Variants in STK11IP observed in about 807,000 individuals in gnomAD.
The protein encoded by STK11IP is serine/threonine kinase 11 interacting protein.
A neutral mutation model predicts 131.7 loss-of-function variants in STK11IP; 103 were observed. The observed-to-expected ratio is 0.78, with a 90% CI of 0.67 to 0.92. The LOEUF is 0.92. Ranked by LOEUF, STK11IP falls within the 40% of genes least tolerant of loss-of-function variation. STK11IP has a pLI of 0.00. For synonymous variants in STK11IP, 557 were observed against 575.6 expected (o/e 0.97, Z 0.46); for missense variants, 1,315 against 1,385.7 (o/e 0.95, Z 0.81).
rs1192387894 is a variant in STK11IP, at chr2:219,598,095, C to T, written c.-25C>T. 1.9e-6 allele frequency: 3 copies of T among 1,584,428 alleles called. No individual in the cohort carries two copies. Among genetic ancestry groups the T allele is most frequent in the Non-Finnish European group, 2.6e-6 (3 of 1,166,196 alleles). ...TCCGCTTCCTCTTTCCCCCCCCAGG[C>T]TCCGCCCCCCAGCGTCCCGTGGCCA... On this transcript the variant is annotated splice_region_variant and 5_prime_UTR_variant, in exon 2 of 25. Transcript: ENST00000456909.
intron 23 of STK11IP, chr2:219,614,751 C>T (rs1698519730): frequency 4.1e-6 from 3 of 725,018 alleles, no homozygotes; most frequent in Non-Finnish European, 7.6e-6. Context: ...ACCCAGGATC[C>T]TCAGTTACCC....
chr2:219,600,059 G>GTTTTTTTTTTTTTTTTTTTTT (rs57060581), intron 2 of STK11IP, among the ~76,000 whole-genome samples: 19 of 91,712 alleles, frequency 2.1e-4, no homozygotes, highest in Non-Finnish European at 3.5e-4. Flanking sequence ...TTTTGTTTTT[G>GTTTTTTTTTTTTTTTTTTTTT]TTTTTTTTTT....
At position 219,598,163 on chromosome 2, in the gene STK11IP, G is replaced by C; in HGVS notation, c.44G>C (p.Gly15Ala). ...GACTCCCTGTTGTGGAAGCTCGCGGGGTTGCTGCGGGAGTCCGGTGAGTGG... is the reference window on the plus strand; with the variant it reads ...GACTCCCTGTTGTGGAAGCTCGCGGCGTTGCTGCGGGAGTCCGGTGAGTGG... ...QRDSLLWKLA[G>A]LLRESGDVVL... is the part of the protein sequence containing the mutation. The change falls in exon 2 of 25, where the codon GGG becomes GCG. Residue 15 changes from glycine (G) to alanine (A), a missense_variant. Coordinates refer to ENST00000456909, the MANE Select transcript of STK11IP (RefSeq NM_052902.4). The C allele has an allele frequency of 6.4e-7, 1 of 1,568,086 alleles. No homozygotes were observed. The highest frequency in any genetic ancestry group is 8.6e-7 in the Non-Finnish European group (1 of 1,156,228).
Position 219,597,935 on chromosome 2 carries a change from C to T in STK11IP, c.-27+12C>T. On this transcript the variant is annotated intron_variant, in intron 1 of 24. Coordinates refer to ENST00000456909, the MANE Select transcript of STK11IP (RefSeq NM_052902.4). ...GACGGGGAGGTTCGGTATGTCTGACCAGGACTTATGTTCCTCGAAAGGGCG... is the reference window on the plus strand; with the variant it reads ...GACGGGGAGGTTCGGTATGTCTGACTAGGACTTATGTTCCTCGAAAGGGCG... 1.2e-6 allele frequency: 2 copies of T among 1,612,078 alleles called. No homozygotes were observed. Among genetic ancestry groups the T allele is most frequent in the Non-Finnish European group, 1.7e-6 (2 of 1,179,144 alleles).
intron 5 of STK11IP, 48 bp downstream of exon 5, chr2:219,602,131 A>G (rs771120590): frequency 2.9e-6 from 4 of 1,379,198 alleles, no homozygotes; most frequent in Non-Finnish European, 4.0e-6. Flanking sequence ...TGAGAGATGT[A>G]GAAGACCAAG....
Position 219,613,195 on chromosome 2 carries a change from T to C in STK11IP, c.2507T>C (p.Leu836Pro), listed in dbSNP as rs1323292291. 1 of 1,599,098 alleles carries C rather than the reference T, an allele frequency of 6.3e-7. No individual in the cohort carries two copies. Among genetic ancestry groups the C allele is most frequent in the African/African-American group, 1.3e-5 (1 of 74,092 alleles). ...CTTGTGGTTGTGTCTGACCGCAGGC[T>C]GTACCTGTTGAAGGTGACTGGGGAG... is the stretch of plus-strand genomic sequence containing the variant. ...MCLVVVSDRR[L>P]YLLKVTGEMR... Residue 836 changes from leucine (L) to proline (P), a missense_variant, in exon 20 of 25, where the codon CTG becomes CCG. Physicochemically the swap from Leu to Pro is moderately conservative, Grantham distance 98. Coordinates refer to ENST00000456909, the MANE Select transcript of STK11IP (RefSeq NM_052902.4).
At position 219,609,079 on chromosome 2, in the gene STK11IP, C is replaced by T. The variant is rs771119556; in HGVS notation, c.1810-18C>T. The stretch of plus-strand genomic sequence containing the variant: ...CCGCCCCTGCTGTTTTTCACCCGGT[C>T]CCCCTCTTGCTGCGCAGGGCTCAGA... On this transcript the variant is annotated intron_variant, in intron 15 of 24. Transcript: ENST00000456909. 5 of 1,551,638 alleles carry T rather than the reference C, an allele frequency of 3.2e-6. No homozygotes were observed. Among genetic ancestry groups the T allele is most frequent in the Admixed American group, 1.9e-5 (1 of 53,360 alleles).
chr2:219,598,541 T>C (rs1210137775), intron 2 of STK11IP: 1 of 195,864 alleles, frequency 5.1e-6, no homozygotes, highest in Non-Finnish European at 1.0e-5. Context: ...AGCACGAGAT[T>C]TGGAGTCGGA....
intron 17 of STK11IP, 34 bp from the exon 18 acceptor site, chr2:219,611,570 G>T (rs756581555): frequency 6.5e-7 from 1 of 1,545,960 alleles, no homozygotes; most frequent in East Asian, 2.3e-5. Context: ...ACTGTGGGGG[G>T]GGCTCATGGG....
chr2:219,615,425 G>A, intron 24 of STK11IP, 84 bp downstream of exon 24: 3 of 1,515,526 alleles, frequency 2.0e-6, no homozygotes, highest in Non-Finnish European at 2.6e-6. Context: ...TGGGAAATGG[G>A]TCTAGGAACC....
At position 219,614,614 on chromosome 2, in the gene STK11IP, C is replaced by G. The variant is rs375183018; in HGVS notation, c.2869+68C>G. The stretch of plus-strand genomic sequence containing the variant: ...CTACCTTGTCACAGGCACTGGCCCA[C>G]GCGCAGCACCTGTACAGTGCCCTTG... On this transcript the variant is annotated intron_variant, in intron 23 of 24. Transcript: ENST00000456909. 229 of 1,479,232 alleles carry G rather than the reference C, an allele frequency of 1.5e-4. 1 individual carries two copies. The African/African-American group carries it at 2.3e-3, about 15-fold the overall frequency. The allele number at this position is 1,479,232 out of a possible 1,614,324, so 91.6% of individuals were successfully genotyped here. A position where few individuals can be genotyped will look rare whatever the true frequency, so the allele number is the denominator to read the frequency against.
At position 219,608,983 on chromosome 2, in the gene STK11IP, A is replaced by C. The variant is rs112304242; in HGVS notation, c.1810-114A>C. ...TCTGTGCTGGAGCTTGGACGTCAGT[A>C]CAGGCCTTTGACAGGCTTCAGAGGT... On this transcript the variant is annotated intron_variant, in intron 15 of 24. Coordinates refer to ENST00000456909, the MANE Select transcript of STK11IP (RefSeq NM_052902.4). 2,422 of 1,071,208 alleles carry C rather than the reference A, an allele frequency of 2.3e-3. 29 individuals carry two copies. In the African/African-American group the frequency reaches 0.025, roughly 11 times the overall value. 66.4% of individuals were successfully genotyped at this position (1,071,208 alleles called of 1,614,324 possible).
At chr2:219,614,771 G>A (rs1410783737) in intron 23 of STK11IP, 3 of 701,028 alleles carry the variant, frequency 4.3e-6, no homozygotes, top group Non-Finnish European at 2.6e-6. Flanking sequence ...CAGAGCCTTT[G>A]CTCTCGGGCC....
chr2:219,601,507 G>C, intron 3 of STK11IP, 67 bp downstream of exon 3: 1 of 1,580,538 alleles, frequency 6.3e-7, no homozygotes, highest in Non-Finnish European at 8.6e-7. Flanking sequence ...TTGGGGATAG[G>C]GTAGGGGTGC....
chr2:219,614,317 C>A, intron 22 of STK11IP, 75 bp downstream of exon 22: 2 of 1,576,634 alleles, frequency 1.3e-6, no homozygotes, highest in Non-Finnish European at 1.7e-6. Flanking sequence ...TGGCCCTGTG[C>A]TGAGTAGGTC....
At chr2:219,600,041 G>GTTTTTTTTTTTT (rs1203746448) in intron 2 of STK11IP, among the ~76,000 whole-genome samples, 1 of 91,932 alleles carries the variant, frequency 1.1e-5, no homozygotes, top group African/African-American at 4.1e-5. Context: ...TGCCCTTTGT[G>GTTTTTTTTTTTT]TTTTTTTTTT....
At chr2:219,607,271 TTTTTC>T in intron 13 of STK11IP, 134 bp downstream of exon 13, 1 of 854,690 alleles carries the variant, frequency 1.2e-6, no homozygotes, top group Non-Finnish European at 1.8e-6. Flanking sequence ...TTCTTAGTCT[TTTTTC>T]TTTTCTTTTA....
rs1352459963 is a variant in STK11IP at position 219,613,924 on chromosome 2, C to G, written c.2710C>G (p.Leu904Val). Residue 904 changes from leucine (L) to valine (V), a missense_variant, in exon 21 of 25, where the codon CTC becomes GTC. Coordinates refer to ENST00000456909, the MANE Select transcript of STK11IP (RefSeq NM_052902.4). ...ARHCRAFLEE[L>V]LDVLQSLPPA... ...GCATTGCCGGGCCTTCCTAGAGGAG[C>G]TCCTTGGTGAGAGAGGGGAGGGGAA... 6.3e-6 allele frequency: 10 copies of G among 1,584,782 alleles called. No homozygotes were observed. The highest frequency in any genetic ancestry group is 8.6e-6 in the Non-Finnish European group (10 of 1,163,632).
At chr2:219,614,976 T>C in intron 23 of STK11IP, 118 bp from the exon 24 acceptor site, 1 of 1,276,576 alleles carries the variant, frequency 7.8e-7, no homozygotes. Flanking sequence ...CACAGGCTGC[T>C]TTGTGACCCA....
Sources: gnomAD v4.1 joint callset for allele counts (sites outside exome capture counted in the v4.1 genomes callset) on GRCh38, gnomAD v4.1.1 for gene constraint, MANE v1.5 for transcripts, NCBI Gene and HGNC (gene_info 2026-07-23, HGNC 2026-07-21) for gene names.